DOCK5: variants seen among roughly 807,000 people sequenced by gnomAD.
DOCK5 encodes dedicator of cytokinesis 5, also known as dedicator of cytokinesis protein 5.
A neutral mutation model predicts 251.8 loss-of-function variants in DOCK5; 142 were observed. The observed-to-expected ratio is 0.56, with a 90% CI of 0.49 to 0.65. DOCK5 has a LOEUF of 0.65. DOCK5 is among the 30% of genes least tolerant of loss of function. The pLI, the probability that DOCK5 is intolerant of heterozygous loss-of-function variation, is 0.00. For synonymous variants in DOCK5, 842 were observed against 835.5 expected (o/e 1.01, Z -0.13); for missense variants, 2,111 against 2,312.3 (o/e 0.91, Z 1.79).
chr8:25,251,416 G>GGGTT (rs1472867402), intron 2 of DOCK5, among the ~76,000 whole-genome samples: 12 of 152,052 alleles, frequency 7.9e-5, no homozygotes, highest in Non-Finnish European at 1.6e-4. Flanking sequence ...ACAAAAAGAA[G>GGGTT]GGTTTGTATA....
intron 18 of DOCK5, among the ~76,000 whole-genome samples, chr8:25,331,178 A>G (rs1254918373): frequency 6.6e-6 from 1 of 151,742 alleles, no homozygotes; most frequent in Non-Finnish European, 1.5e-5. Context: ...AGCTTGATGT[A>G]CTAAACTAGG....
chr8:25,275,802 C>T (rs891080559), intron 4 of DOCK5, among the ~76,000 whole-genome samples: 192 of 152,092 alleles, frequency 1.3e-3, no homozygotes, highest in Non-Finnish European at 2.1e-4. Context: ...TACCACTACA[C>T]TCTAACCTGG....
chr8:25,316,255 A>G (rs1023062142), intron 13 of DOCK5, among the ~76,000 whole-genome samples: 1 of 152,150 alleles, frequency 6.6e-6, no homozygotes, highest in African/African-American at 2.4e-5. Flanking sequence ...TGAGGTGGGC[A>G]GATTGCTTGA....
At chr8:25,395,887 G>T in intron 45 of DOCK5, 168 bp downstream of exon 45, 1 of 870,828 alleles carries the variant, frequency 1.1e-6, no homozygotes, top group Non-Finnish European at 1.9e-6. Flanking sequence ...TGACTTCTTA[G>T]AGACTATCAG....
At position 25,292,288 on chromosome 8, in the gene DOCK5, A is replaced by G. The variant is rs1023636201; in HGVS notation, c.470+116A>G. On this transcript the variant is annotated intron_variant, in intron 6 of 51. Transcript: ENST00000276440. ...TTAGAGTTGCCAAAGAATAATGCTT[A>G]CTGCTCTCATTTTGTCTTTGAAGAC... 1.2e-5 allele frequency: 14 copies of G among 1,181,624 alleles called. No homozygotes were observed. In the African/African-American group the frequency reaches 2.0e-4, roughly 17 times the overall value. The allele number at this position is 1,181,624 out of a possible 1,614,324, so 73.2% of individuals were successfully genotyped here.
chr8:25,287,419 C>A (rs77059037), intron 5 of DOCK5, among the ~76,000 whole-genome samples: 5,400 of 151,272 alleles, frequency 0.036, 335 homozygotes, highest in African/African-American at 0.12. Flanking sequence ...GAGCGAGACT[C>A]CATTAAAAAA....
rs1801651164 is a variant in DOCK5, at chr8:25,412,636, CAGAA to C, written c.*1341_*1344del. On this transcript the variant is annotated 3_prime_UTR_variant, in exon 52 of 52. Transcript: ENST00000276440. ...TGCTACTTAGATATTTGTGGCAAAG[CAGAA>C]AGCTTTTTGACTGTGAAGGCAGAGG... 1 of 152,194 alleles carries C rather than the reference CAGAA, an allele frequency of 6.6e-6. No individual in the cohort carries two copies. The highest frequency in any genetic ancestry group is 2.1e-4 in the South Asian group (1 of 4,830). The allele number at this position is 152,194 out of a possible 1,614,324, so 9.4% of individuals were successfully genotyped here.
Position 25,353,441 on chromosome 8 carries a change from C to G in DOCK5, c.2850+1615C>G, listed in dbSNP as rs75033227. 8.8e-4 allele frequency among the ~76,000 whole-genome samples: 134 copies of G among 152,266 alleles called. 2 individuals carry two copies. In the East Asian group the frequency reaches 0.022, roughly 25 times the overall value. ...ATTAGTGGATTATCAGTTAACTAGACTAGTCCTACATCTTTTTCTCAAGGA... is the reference window on the plus strand; with the variant it reads ...ATTAGTGGATTATCAGTTAACTAGAGTAGTCCTACATCTTTTTCTCAAGGA... On this transcript the variant is annotated intron_variant, in intron 27 of 51. Coordinates refer to ENST00000276440, the MANE Select transcript of DOCK5 (RefSeq NM_024940.8).
intron 26 of DOCK5, among the ~76,000 whole-genome samples, chr8:25,349,169 A>G (rs552420526): frequency 6.6e-5 from 10 of 152,374 alleles, no homozygotes; most frequent in African/African-American, 2.2e-4. Flanking sequence ...ATTAAAATAC[A>G]TATAGCCATA....
At chr8:25,252,513 G>A (rs997118673) in intron 2 of DOCK5, among the ~76,000 whole-genome samples, 3 of 152,232 alleles carry the variant, frequency 2.0e-5, no homozygotes, top group Non-Finnish European at 2.9e-5. Flanking sequence ...TTATGACGCT[G>A]CGTGCAAATA....
In DOCK5 at chr8:25,321,164, G is replaced by A. The variant is rs1038305813; in HGVS notation, c.1615+112G>A. Reference sequence around the variant, plus strand: ...ATATTTGGAAACTAGAGACTTGGCAGCTGTATTTTGTAACTCACTGGTGCT... The same window carrying A: ...ATATTTGGAAACTAGAGACTTGGCAACTGTATTTTGTAACTCACTGGTGCT... On this transcript the variant is annotated intron_variant, in intron 16 of 51. Transcript: ENST00000276440. 13 of 907,888 alleles carry A rather than the reference G, an allele frequency of 1.4e-5. No individual in the cohort carries two copies. The African/African-American group carries it at 1.8e-4, about 13-fold the overall frequency. 56.2% of individuals were successfully genotyped at this position (907,888 alleles called of 1,614,324 possible). A position where few individuals can be genotyped will look rare whatever the true frequency, so the allele number is the denominator to read the frequency against.
At chr8:25,406,139 T>C (rs926848847) in intron 48 of DOCK5, among the ~76,000 whole-genome samples, 14 of 152,028 alleles carry the variant, frequency 9.2e-5, no homozygotes, top group African/African-American at 1.4e-4. Flanking sequence ...TTTGTACTTT[T>C]AGTAGAGATG....
rs768092513 is a variant in DOCK5 at position 25,408,102 on chromosome 8, G to T, written c.5213G>T (p.Ser1738Ile). ...AGCAAGTTTAAGAGAAAAGACTGGA[G>T]TCTGAGCAAGTCCCAGGTCATTGCA... ...RISKFKRKDW[S>I]LSKSQVIAEK... The change falls in exon 49 of 52, where the codon AGT becomes ATT. Residue 1738 changes from serine (S) to isoleucine (I), a missense_variant. Ser to Ile is a moderately radical substitution (Grantham distance 142). This residue lies in a region of DOCK5 where 1,717 missense variants were observed against 1,892.4 expected (regional missense o/e 0.91). Coordinates refer to ENST00000276440, the MANE Select transcript of DOCK5 (RefSeq NM_024940.8). 4 of 1,599,636 alleles carry T rather than the reference G, an allele frequency of 2.5e-6. No individual in the cohort carries two copies. The highest frequency in any genetic ancestry group is 3.4e-6 in the Non-Finnish European group (4 of 1,173,062).
intron 28 of DOCK5, 120 bp from the exon 29 acceptor site, chr8:25,362,927 C>A: frequency 1.4e-6 from 1 of 704,080 alleles, no homozygotes; most frequent in Non-Finnish European, 2.5e-6. Context: ...GAAAGATGGG[C>A]TGTTACTGTG....
At chr8:25,236,381 T>C (rs997148865) in intron 1 of DOCK5, among the ~76,000 whole-genome samples, 1 of 152,196 alleles carries the variant, frequency 6.6e-6, no homozygotes, top group Non-Finnish European at 1.5e-5. Context: ...ATACCTATTA[T>C]TGAATATGAT....
chr8:25,290,850 T>C (rs1229157745), intron 5 of DOCK5, among the ~76,000 whole-genome samples: 2 of 152,192 alleles, frequency 1.3e-5, no homozygotes, highest in Non-Finnish European at 2.9e-5. Context: ...GTGGGACCGC[T>C]AACATGAAGT....
intron 14 of DOCK5, among the ~76,000 whole-genome samples, chr8:25,318,514 C>T (rs1805326993): frequency 8.5e-6 from 1 of 117,958 alleles, no homozygotes; most frequent in Admixed American, 9.8e-5. Flanking sequence ...TCCCCCACTT[C>T]CCCTCCCCTC....
chr8:25,214,717 C>T (rs1420393521), intron 1 of DOCK5, among the ~76,000 whole-genome samples: 1 of 152,150 alleles, frequency 6.6e-6, no homozygotes, highest in Admixed American at 6.5e-5. Context: ...ATTCAGCAGT[C>T]ATCGGTTGGT....
chr8:25,382,588 G>A (rs1801087842), intron 39 of DOCK5, 86 bp from the exon 40 acceptor site: 1 of 1,094,318 alleles, frequency 9.1e-7, no homozygotes, highest in Non-Finnish European at 1.3e-6. Context: ...GGTTACGTGG[G>A]AAACAACAAA....
Sources: gnomAD v4.1 joint callset for allele counts (sites outside exome capture counted in the v4.1 genomes callset) on GRCh38, gnomAD v4.1.1 for gene constraint, gnomAD v4.1.1 regional missense constraint, MANE v1.5 for transcripts, NCBI Gene and HGNC (gene_info 2026-07-23, HGNC 2026-07-21) for gene names.